The following PAPPA2 variants were observed in gnomAD, a reference collection of about 807,000 sequenced individuals.
PAPPA2 encodes pappalysin-2.
PAPPA2 carries 86 observed loss-of-function variants against 176.4 expected under a neutral mutation model. That is an observed-to-expected ratio of 0.49 (90% CI 0.41 to 0.58). The LOEUF is 0.58. PAPPA2 is among the 20% of genes least tolerant of loss of function. PAPPA2 has a pLI of 0.00. For missense variants in PAPPA2, 2,073 were observed against 2,256.9 expected, an observed-to-expected ratio of 0.92 and a Z score of 1.65; for synonymous variants, 809 against 852.2, an observed-to-expected ratio of 0.95 and a Z score of 0.88.
chr1:176,508,279 C>G (rs189979598), intron 1 of PAPPA2, among the ~76,000 whole-genome samples: 6 of 151,938 alleles, frequency 3.9e-5, no homozygotes, highest in Non-Finnish European at 7.4e-5. Flanking sequence ...ATTCCATATC[C>G]AGTAAAATAA....
chr1:176,601,925 C>T (rs867496629), intron 3 of PAPPA2, among the ~76,000 whole-genome samples: 3 of 152,190 alleles, frequency 2.0e-5, no homozygotes, highest in Admixed American at 1.3e-4. Context: ...CTCTCCTTTT[C>T]GCAATAGAGT....
At chr1:176,636,836 C>T (rs907607847) in intron 3 of PAPPA2, among the ~76,000 whole-genome samples, 2 of 151,940 alleles carry the variant, frequency 1.3e-5, no homozygotes, top group Admixed American at 1.3e-4. Context: ...TTTTTAAGAA[C>T]CTATGTTCTT....
intron 3 of PAPPA2, among the ~76,000 whole-genome samples, chr1:176,605,289 T>C (rs1478598041): frequency 6.6e-6 from 1 of 152,186 alleles, no homozygotes; most frequent in East Asian, 1.9e-4. Context: ...AAGATCCTTA[T>C]CAGGCACTTT....
At chr1:176,797,135 G>A (rs1040824943) in intron 20 of PAPPA2, among the ~76,000 whole-genome samples, 3 of 152,136 alleles carry the variant, frequency 2.0e-5, no homozygotes, top group Non-Finnish European at 4.4e-5. Flanking sequence ...GCATAGATTT[G>A]CATTTGTACA....
chr1:176,713,020 C>G (rs1298208177), intron 12 of PAPPA2, among the ~76,000 whole-genome samples: 1 of 152,086 alleles, frequency 6.6e-6, no homozygotes, highest in African/African-American at 2.4e-5. Flanking sequence ...AGTTGTCTGT[C>G]ATTTTCTTCA....
chr1:176,797,560 T>C (rs1665500622), intron 20 of PAPPA2, among the ~76,000 whole-genome samples: 1 of 152,052 alleles, frequency 6.6e-6, no homozygotes, highest in South Asian at 2.1e-4. Context: ...CGCAGGAGAA[T>C]CACTTGAGCC....
At chr1:176,490,055 A>G (rs1443546084) in intron 1 of PAPPA2, among the ~76,000 whole-genome samples, 4 of 152,196 alleles carry the variant, frequency 2.6e-5, no homozygotes, top group Admixed American at 6.5e-5. Context: ...TTATTAGAAC[A>G]GATTAGAACA....
At chr1:176,769,883 A>G (rs1664146871) in intron 16 of PAPPA2, 99 bp downstream of exon 16, 2 of 1,279,456 alleles carry the variant, frequency 1.6e-6, no homozygotes, top group Admixed American at 2.6e-5. Flanking sequence ...CACCTTTCCT[A>G]TTTGCTCCAC....
At position 176,789,968 on chromosome 1, in the gene PAPPA2, A is replaced by C; in HGVS notation, c.4875A>C (p.Glu1625Asp). The C allele has an allele frequency of 6.2e-7, 1 of 1,614,074 alleles. No homozygotes were observed. Among genetic ancestry groups the C allele is most frequent in the East Asian group, 2.2e-5 (1 of 44,868 alleles). ...AGTGTGTGCTCAACTGTAACCAGGA[A>C]CGTGAAAAGGTAAGGAACATTTTTT... The part of the protein sequence containing the change: ...DSQCVLNCNQ[E>D]REKLPILCTK... Residue 1625 changes from glutamate (E) to aspartate (D), a missense_variant, in exon 18 of 23, where the codon GAA (glutamate) becomes GAC (aspartate). Glu to Asp is a conservative substitution (Grantham distance 45). Transcript: ENST00000367662.
At chr1:176,800,586 T>C (rs1022700488) in intron 21 of PAPPA2, among the ~76,000 whole-genome samples, 31 of 152,230 alleles carry the variant, frequency 2.0e-4, no homozygotes, top group Non-Finnish European at 4.3e-4. Flanking sequence ...TACACACATA[T>C]GCACACATCC....
At chr1:176,837,748 T>C (rs1667330439) in intron 21 of PAPPA2, among the ~76,000 whole-genome samples, 1 of 152,198 alleles carries the variant, frequency 6.6e-6, no homozygotes, top group Admixed American at 6.5e-5. Flanking sequence ...AGTGATATCC[T>C]AAGACTGACA....
At chr1:176,580,561 T>TGTTC (rs1225029745) in intron 2 of PAPPA2, among the ~76,000 whole-genome samples, 2 of 152,234 alleles carry the variant, frequency 1.3e-5, no homozygotes, top group African/African-American at 4.8e-5. Flanking sequence ...ACCTCCATGC[T>TGTTC]GTTCTCCACA....
chr1:176,532,378 A>G (rs1649861951), intron 1 of PAPPA2, among the ~76,000 whole-genome samples: 1 of 152,244 alleles, frequency 6.6e-6, no homozygotes, highest in South Asian at 2.1e-4. Context: ...CAGCTCTGCG[A>G]AGGTGACTGC....
intron 2 of PAPPA2, among the ~76,000 whole-genome samples, chr1:176,583,863 T>G (rs1026369030): frequency 6.6e-6 from 1 of 152,194 alleles, no homozygotes; most frequent in Non-Finnish European, 1.5e-5. Flanking sequence ...GAGACCAGCC[T>G]GGGCAACATA....
chr1:176,550,202 C>A (rs1650865898), intron 1 of PAPPA2, among the ~76,000 whole-genome samples: 1 of 152,200 alleles, frequency 6.6e-6, no homozygotes, highest in Non-Finnish European at 1.5e-5. Flanking sequence ...AGTAGTTTAA[C>A]CTGTTTCAGC....
At chr1:176,683,332 C>A (rs1659676419) in intron 4 of PAPPA2, among the ~76,000 whole-genome samples, 1 of 152,088 alleles carries the variant, frequency 6.6e-6, no homozygotes, top group African/African-American at 2.4e-5. Flanking sequence ...CTCCTGCTGC[C>A]AGTCCATTAA....
intron 10 of PAPPA2, among the ~76,000 whole-genome samples, chr1:176,707,215 G>A (rs1211355578): frequency 1.3e-5 from 2 of 152,130 alleles, no homozygotes; most frequent in Admixed American, 6.6e-5. Flanking sequence ...ATATTTTAAT[G>A]TCATGAAATC....
At chr1:176,551,692 G>A (rs1650960502) in intron 1 of PAPPA2, among the ~76,000 whole-genome samples, 5 of 152,236 alleles carry the variant, frequency 3.3e-5, no homozygotes, top group Admixed American at 2.0e-4. Flanking sequence ...TGGGCTTAAA[G>A]GAAACATCAT....
chr1:176,675,732 G>A (rs897404020), intron 4 of PAPPA2, among the ~76,000 whole-genome samples: 1 of 151,964 alleles, frequency 6.6e-6, no homozygotes, highest in African/African-American at 2.4e-5. Flanking sequence ...GATAATGGCC[G>A]AGAATCTTGC....
Sources: allele counts gnomAD v4.1 joint callset (sites outside exome capture counted in the v4.1 genomes callset), GRCh38; gene constraint gnomAD v4.1.1; transcripts MANE v1.5; gene names NCBI Gene and HGNC (gene_info 2026-07-23, HGNC 2026-07-21).